Variants in FGF13 observed in about 807,000 individuals in gnomAD.
FGF13 encodes the protein fibroblast growth factor homologous factor 2.
In FGF13, 2 loss-of-function variants were observed where a neutral mutation model predicts 19.5. That is an observed-to-expected ratio of 0.10 (90% CI 0.04 to 0.32). The LOEUF (loss-of-function observed/expected upper bound fraction) is 0.32. Among genes scored for constraint, FGF13 ranks in the 10% least tolerant of loss-of-function variants. FGF13 has a pLI of 1.00. For missense variants in FGF13, 113 were observed against 192.7 expected, an observed-to-expected ratio of 0.59 and a Z score of 2.45; for synonymous variants, 72 against 76.9, an observed-to-expected ratio of 0.94 and a Z score of 0.33.
chrX:138,934,656 G>A (rs1372514617), intron 1 of FGF13, among the ~76,000 whole-genome samples: 10 of 112,411 alleles, frequency 8.9e-5, no homozygotes, highest in Non-Finnish European at 1.1e-4. Flanking sequence ...CTGTGATTTG[G>A]TTGCTTAGTA....
intron 3 of FGF13, among the ~76,000 whole-genome samples, chrX:138,839,248 G>A (rs779817407): frequency 2.7e-5 from 3 of 110,870 alleles, no homozygotes; most frequent in Non-Finnish European, 5.7e-5. Context: ...TGGCCTTTCG[G>A]TCTTGGACTT....
At chrX:138,873,204 C>T (rs1392945254) in intron 1 of FGF13, among the ~76,000 whole-genome samples, 2 of 110,828 alleles carry the variant, frequency 1.8e-5, no homozygotes. Flanking sequence ...TGGTCCAGAT[C>T]AGTACCAGGA....
chrX:139,149,107 G>A (rs916706390), intron 1 of FGF13, among the ~76,000 whole-genome samples: 9 of 111,913 alleles, frequency 8.0e-5, no homozygotes, highest in African/African-American at 2.9e-4. Context: ...ATTTGGTGAA[G>A]TATTTACACA....
chrX:139,022,674 T>C (rs752283626), intron 1 of FGF13, among the ~76,000 whole-genome samples: 1 of 111,014 alleles, frequency 9.0e-6, no homozygotes, highest in Non-Finnish European at 1.9e-5. Flanking sequence ...CCACCAAGGA[T>C]AGCAACCCAA....
chrX:139,146,026 A>T (rs1799923121), intron 1 of FGF13, among the ~76,000 whole-genome samples: 1 of 111,900 alleles, frequency 8.9e-6, no homozygotes, highest in African/African-American at 3.2e-5. Flanking sequence ...CTAGAAGAAA[A>T]CCTAGGCAAT....
intron 1 of FGF13, among the ~76,000 whole-genome samples, chrX:138,942,106 C>T (rs758099691): frequency 7.0e-4 from 78 of 112,030 alleles, no homozygotes; most frequent in African/African-American, 2.4e-3. Context: ...GGATATGTCT[C>T]GCATGGGGAG....
At chrX:138,822,711 A>C (rs982774994) in intron 3 of FGF13, among the ~76,000 whole-genome samples, 1 of 112,479 alleles carries the variant, frequency 8.9e-6, no homozygotes, top group African/African-American at 3.2e-5. Flanking sequence ...TTTCAAAAAT[A>C]AAGAATCTCT....
upstream of FGF13, among the ~76,000 whole-genome samples, chrX:138,715,024 C>T (rs1230147312): frequency 9.0e-6 from 1 of 111,728 alleles, no homozygotes. Flanking sequence ...TGGATCTCCT[C>T]CATATTTGTA....
At chrX:139,199,860 T>C (rs1032788027) in intron 1 of FGF13, among the ~76,000 whole-genome samples, 1 of 112,349 alleles carries the variant, frequency 8.9e-6, no homozygotes, top group East Asian at 2.8e-4. Context: ...AGAGAAAAGA[T>C]ACAGTACCCC....
rs373794643 is a variant in FGF13 at position 139,168,390 on chromosome X, T to A, written c.-113+35026A>T. ...ATTTTTTTATTTTACAACAAAAAGC[T>A]GACACTCTTCTCCATAATAAATAAC... On this transcript the variant is annotated intron_variant, in intron 1 of 2. Coordinates refer to the FGF13 transcript ENST00000421460. Among the ~76,000 whole-genome samples the A allele has an allele frequency of 6.3e-5, 7 of 111,681 alleles. No homozygotes were observed. The East Asian group carries it at 1.4e-3, about 22-fold the overall frequency.
chrX:139,003,429 A>G (rs1180306238), intron 1 of FGF13, among the ~76,000 whole-genome samples: 1 of 111,786 alleles, frequency 8.9e-6, no homozygotes, highest in Non-Finnish European at 1.9e-5. Context: ...AAGCCTCTAC[A>G]GTGTGGAAGG....
chrX:138,854,450 A>G (rs994750613), downstream of FGF13, among the ~76,000 whole-genome samples: 1 of 111,463 alleles, frequency 9.0e-6, no homozygotes, highest in Non-Finnish European at 1.9e-5. Flanking sequence ...ATATCTATAA[A>G]AAGATGGGTG....
chrX:139,000,675 G>T (rs1176801723), intron 1 of FGF13, among the ~76,000 whole-genome samples: 2 of 111,236 alleles, frequency 1.8e-5, no homozygotes, highest in African/African-American at 6.5e-5. Context: ...CACTGCTCAA[G>T]GAAATAAGAG....
chrX:138,746,252 C>T (rs1434066827), intron 3 of FGF13, among the ~76,000 whole-genome samples: 1 of 110,130 alleles, frequency 9.1e-6, no homozygotes, highest in Non-Finnish European at 1.9e-5. Context: ...AGAAAGGTGA[C>T]CTGGGCTGCA....
At chrX:139,172,779 A>G (rs2084144273) in intron 1 of FGF13, among the ~76,000 whole-genome samples, 2 of 111,875 alleles carry the variant, frequency 1.8e-5, no homozygotes, top group African/African-American at 6.5e-5. Flanking sequence ...CAAATTTTAC[A>G]TAATACCTGA....
upstream of FGF13, chrX:138,716,604 A>C (rs1167784486): frequency 3.6e-5 from 4 of 111,806 alleles, 1 homozygote; most frequent in African/African-American, 1.3e-4. Context: ...AATAAGAAAA[A>C]AGAAAGAAAA....
chrX:139,157,385 T>C (rs1176764903), intron 1 of FGF13, among the ~76,000 whole-genome samples: 1 of 112,105 alleles, frequency 8.9e-6, no homozygotes, highest in Admixed American at 9.5e-5. Context: ...GGTTTAAATG[T>C]ATCCTCCAAA....
rs188315640 is a variant in FGF13 at position 138,696,462 on chromosome X, C to T, written c.402+6522G>A. On this transcript the variant is annotated intron_variant, in intron 3 of 4. Coordinates refer to ENST00000315930, the MANE Select transcript of FGF13 (RefSeq NM_004114.5). ...ACTAAAAACAACTGAATTGTACACACTTTAAATGGATAAATTTAAGATCTG... is the reference window on the plus strand; with the variant it reads ...ACTAAAAACAACTGAATTGTACACATTTTAAATGGATAAATTTAAGATCTG... Among the ~76,000 whole-genome samples, 10 of 111,664 alleles carry T rather than the reference C, an allele frequency of 9.0e-5. No homozygotes were observed. The East Asian group carries it at 2.5e-3, about 28-fold the overall frequency.
chrX:138,692,129 A>G (rs2089843838), intron 3 of FGF13, among the ~76,000 whole-genome samples: 1 of 111,720 alleles, frequency 9.0e-6, no homozygotes, highest in African/African-American at 3.2e-5. Context: ...ACAAAAGTTC[A>G]TAATTGGTCT....
Sources: allele counts gnomAD v4.1 joint callset (sites outside exome capture counted in the v4.1 genomes callset), GRCh38; gene constraint gnomAD v4.1.1; transcripts MANE v1.5; gene names NCBI Gene and HGNC (gene_info 2026-07-23, HGNC 2026-07-21).